STARD13: variants seen among roughly 807,000 people sequenced by gnomAD.
The protein encoded by STARD13 is StAR related lipid transfer domain containing 13, also known as stAR-related lipid transfer protein 13.
STARD13 carries 62 observed loss-of-function variants against 106.4 expected under a neutral mutation model. That is an observed-to-expected ratio of 0.58 (90% CI 0.48 to 0.72). The LOEUF (loss-of-function observed/expected upper bound fraction) is 0.72, where lower values mean the gene tolerates loss of function less well. STARD13 is among the 30% of genes least tolerant of loss of function. The pLI is 0.00. For synonymous variants in STARD13, 565 were observed against 553.0 expected (o/e 1.02, Z -0.31); for missense variants, 1,387 against 1,424.0 (o/e 0.97, Z 0.42).
the STARD13 span, among the ~76,000 whole-genome samples, chr13:33,391,470 T>C: frequency 2.0e-5 from 3 of 152,186 alleles, no homozygotes; most frequent in South Asian, 2.1e-4. Context: ...GTCCCCAGTA[T>C]ACACAAGGCT....
At chr13:33,353,194 A>G (rs374951276), upstream of STARD13, among the ~76,000 whole-genome samples, 7 of 152,282 alleles carry the variant, frequency 4.6e-5, no homozygotes, top group African/African-American at 1.4e-4. Flanking sequence ...CTAAAATAAC[A>G]GCAGCCATCC....
At chr13:33,203,488 A>C (rs923043161) in intron 1 of STARD13, among the ~76,000 whole-genome samples, 3 of 152,120 alleles carry the variant, frequency 2.0e-5, no homozygotes, top group Admixed American at 6.5e-5. Flanking sequence ...GTGAGAAAAT[A>C]TTAGGTACCT....
the STARD13 span, among the ~76,000 whole-genome samples, chr13:33,485,104 T>A: frequency 2.0e-5 from 3 of 152,338 alleles, no homozygotes; most frequent in Middle Eastern, 3.4e-3. Context: ...ATTTGTAAAT[T>A]AAGCCTAGGA....
the STARD13 span, among the ~76,000 whole-genome samples, chr13:33,359,839 T>A: frequency 1.3e-5 from 2 of 152,334 alleles, no homozygotes; most frequent in South Asian, 4.1e-4. Context: ...TAGAAATGTC[T>A]TCTCCATCAG....
At chr13:33,408,035 T>C in the STARD13 span, among the ~76,000 whole-genome samples, 1 of 152,226 alleles carries the variant, frequency 6.6e-6, no homozygotes, top group African/African-American at 2.4e-5. Flanking sequence ...TGTGGTCTCT[T>C]TCTCTGTGGT....
At chr13:33,529,923 AC>A in the STARD13 span, among the ~76,000 whole-genome samples, 1 of 152,174 alleles carries the variant, frequency 6.6e-6, no homozygotes, top group Non-Finnish European at 1.5e-5. Flanking sequence ...ATAAGAAACC[AC>A]ATATTAAGGA....
At chr13:33,213,102 G>A (rs1419639581) in intron 1 of STARD13, among the ~76,000 whole-genome samples, 4 of 152,092 alleles carry the variant, frequency 2.6e-5, no homozygotes, top group Non-Finnish European at 5.9e-5. Context: ...GTAACATGAG[G>A]GCTCTGACAA....
At chr13:33,345,040 G>C (rs867101645), downstream of STARD13, among the ~76,000 whole-genome samples, 1 of 152,222 alleles carries the variant, frequency 6.6e-6, no homozygotes, top group Non-Finnish European at 1.5e-5. Context: ...GTCACCAGCA[G>C]TGGTTGATTA....
chr13:33,307,490 C>T (rs1005218360), intron 1 of STARD13, among the ~76,000 whole-genome samples: 6 of 152,110 alleles, frequency 3.9e-5, no homozygotes, highest in Admixed American at 6.6e-5. Flanking sequence ...TAAAAAGAAA[C>T]GAGATCATGT....
At chr13:33,639,860 T>G in the STARD13 span, among the ~76,000 whole-genome samples, 2 of 152,236 alleles carry the variant, frequency 1.3e-5, no homozygotes, top group African/African-American at 4.8e-5. Context: ...ATGGAGTCTC[T>G]CTGAATCTAT....
chr13:33,642,855 A>AC, the STARD13 span, among the ~76,000 whole-genome samples: 13 of 151,766 alleles, frequency 8.6e-5, no homozygotes, highest in Non-Finnish European at 1.9e-4. Flanking sequence ...AAAAAAAAAA[A>AC]AAACCTCCCT....
the STARD13 span, among the ~76,000 whole-genome samples, chr13:33,572,271 T>C: frequency 1.2e-4 from 18 of 152,312 alleles, no homozygotes; most frequent in Non-Finnish European, 2.4e-4. Context: ...TTATAACAAG[T>C]GGAGGTGTAA....
intron 1 of STARD13, among the ~76,000 whole-genome samples, chr13:33,307,453 T>C (rs892418026): frequency 3.3e-5 from 5 of 152,210 alleles, no homozygotes; most frequent in African/African-American, 1.2e-4. Flanking sequence ...ATGTGGTACA[T>C]ATACACCATG....
At chr13:33,194,922 T>C (rs1021378591) in intron 1 of STARD13, among the ~76,000 whole-genome samples, 1 of 152,258 alleles carries the variant, frequency 6.6e-6, no homozygotes, top group African/African-American at 2.4e-5. Context: ...CACATACCAA[T>C]ATGTTATGTG....
chr13:33,640,190 T>A, the STARD13 span, among the ~76,000 whole-genome samples: 2 of 152,002 alleles, frequency 1.3e-5, no homozygotes, highest in African/African-American at 4.8e-5. Context: ...CTCATTGTGA[T>A]CTCTACACAG....
the STARD13 span, among the ~76,000 whole-genome samples, chr13:33,432,911 C>T: frequency 2.6e-5 from 4 of 152,128 alleles, no homozygotes; most frequent in Non-Finnish European, 5.9e-5. Context: ...TTATTTTCAC[C>T]ATTAAATTTA....
intron 1 of STARD13, among the ~76,000 whole-genome samples, chr13:33,192,268 T>C (rs1227605983): frequency 2.0e-5 from 3 of 152,250 alleles, no homozygotes; most frequent in Non-Finnish European, 4.4e-5. Flanking sequence ...GCTAAAACAG[T>C]ACATCGACAA....
At chr13:33,202,847 A>C (rs1887140326) in intron 1 of STARD13, among the ~76,000 whole-genome samples, 1 of 152,172 alleles carries the variant, frequency 6.6e-6, no homozygotes, top group Non-Finnish European at 1.5e-5. Flanking sequence ...CACGGGTGGC[A>C]AAATTCGCTC....
the STARD13 span, among the ~76,000 whole-genome samples, chr13:33,404,693 A>G: frequency 6.6e-6 from 1 of 151,904 alleles, no homozygotes; most frequent in African/African-American, 2.4e-5. Context: ...TTTCTCCCTC[A>G]CCAGACAGTA....
Sources: gnomAD v4.1 joint callset for allele counts (sites outside exome capture counted in the v4.1 genomes callset) on GRCh38, gnomAD v4.1.1 for gene constraint, MANE v1.5 for transcripts, NCBI Gene and HGNC (gene_info 2026-07-23, HGNC 2026-07-21) for gene names.